Variants in PLCXD3 observed in about 807,000 individuals in gnomAD.
The protein encoded by PLCXD3 is phosphatidylinositol specific phospholipase C X domain containing 3.
In PLCXD3, 19 loss-of-function variants were observed where a neutral mutation model predicts 25.5. That is an observed-to-expected ratio of 0.75 (90% CI 0.52 to 1.09). The LOEUF is 1.09. Among genes scored for constraint, PLCXD3 ranks in the 50% least tolerant of loss-of-function variants. The pLI is 0.00. For synonymous variants in PLCXD3, 174 were observed against 137.6 expected, an observed-to-expected ratio of 1.26 and a Z score of -1.85; for missense variants, 411 against 388.1, an observed-to-expected ratio of 1.06 and a Z score of -0.50.
chr5:41,374,553 A>G (rs1745230029), intron 2 of PLCXD3, among the ~76,000 whole-genome samples: 1 of 152,140 alleles, frequency 6.6e-6, no homozygotes, highest in Non-Finnish European at 1.5e-5. Flanking sequence ...ACAGACATAC[A>G]CAGACACACG....
chr5:41,357,166 G>A (rs957815233), intron 2 of PLCXD3, among the ~76,000 whole-genome samples: 4 of 152,190 alleles, frequency 2.6e-5, no homozygotes, highest in Non-Finnish European at 5.9e-5. Flanking sequence ...GTCTTTCTCA[G>A]AACAGTGCCT....
intron 1 of PLCXD3, among the ~76,000 whole-genome samples, chr5:41,449,201 T>C (rs1376734072): frequency 1.3e-5 from 2 of 152,228 alleles, no homozygotes; most frequent in Non-Finnish European, 1.5e-5. Context: ...CAATCTAATA[T>C]TCTTTCAAAT....
Position 41,417,466 on chromosome 5 carries a change from T to C in PLCXD3, c.104-34932A>G, listed in dbSNP as rs1177303598. 2.0e-5 allele frequency among the ~76,000 whole-genome samples: 3 copies of C among 152,264 alleles called. No homozygotes were observed. The East Asian group carries it at 5.8e-4, about 29-fold the overall frequency. On this transcript the variant is annotated intron_variant, in intron 1 of 2. Transcript: ENST00000377801. ...GGTTAGAGAAGGCTGGGAAAAAGTATTTTCTTGCTGCTTCTTCTACCCAGC... is the reference window on the plus strand; with the variant it reads ...GGTTAGAGAAGGCTGGGAAAAAGTACTTTCTTGCTGCTTCTTCTACCCAGC...
chr5:41,398,604 T>C (rs920682832), intron 1 of PLCXD3, among the ~76,000 whole-genome samples: 1 of 152,166 alleles, frequency 6.6e-6, no homozygotes, highest in Non-Finnish European at 1.5e-5. Flanking sequence ...GTACGTCATA[T>C]CAACAGAATG....
Position 41,493,346 on chromosome 5 carries a change from G to A in PLCXD3, c.103+17078C>T, listed in dbSNP as rs190594207. ...TGAGGTGTCAGTCTGCCCCTACTGG[G>A]GGGTGCCTCCCAGTTAGGCTGCTCA... On this transcript the variant is annotated intron_variant, in intron 1 of 2. Coordinates refer to ENST00000377801, the MANE Select transcript of PLCXD3 (RefSeq NM_001005473.3). Among the ~76,000 whole-genome samples, 1,331 of 152,280 alleles carry A rather than the reference G, an allele frequency of 8.7e-3. 10 individuals are homozygous for A. The highest frequency in any genetic ancestry group is 0.024 in the Admixed American group (360 of 15,294).
chr5:41,483,501 C>T (rs80268662), intron 1 of PLCXD3, among the ~76,000 whole-genome samples: 21 of 152,050 alleles, frequency 1.4e-4, no homozygotes, highest in African/African-American at 4.8e-4. Context: ...GCTATATCTT[C>T]GTAATACATA....
chr5:41,446,451 T>C (rs1346620863), intron 1 of PLCXD3, among the ~76,000 whole-genome samples: 1 of 152,020 alleles, frequency 6.6e-6, no homozygotes, highest in African/African-American at 2.4e-5. Context: ...AACTAGTCAA[T>C]TCCAAAAAAG....
intron 2 of PLCXD3, among the ~76,000 whole-genome samples, chr5:41,330,273 G>T (rs145270705): frequency 2.0e-5 from 3 of 152,024 alleles, no homozygotes; most frequent in African/African-American, 7.2e-5. Context: ...TATCAACACC[G>T]ATCCCACAGA....
At chr5:41,355,453 A>G (rs979560795) in intron 2 of PLCXD3, among the ~76,000 whole-genome samples, 1 of 152,210 alleles carries the variant, frequency 6.6e-6, no homozygotes, top group Non-Finnish European at 1.5e-5. Context: ...CCATAATATC[A>G]TAATCCAACC....
At chr5:41,326,227 C>T (rs1430273251) in intron 2 of PLCXD3, among the ~76,000 whole-genome samples, 2 of 152,124 alleles carry the variant, frequency 1.3e-5, no homozygotes, top group Non-Finnish European at 2.9e-5. Flanking sequence ...AGTGGTGCTA[C>T]CTGTAACTTC....
At chr5:41,412,556 A>G (rs1746585539) in intron 1 of PLCXD3, among the ~76,000 whole-genome samples, 3 of 152,198 alleles carry the variant, frequency 2.0e-5, no homozygotes, top group Admixed American at 2.0e-4. Flanking sequence ...GTGGGAAATT[A>G]CAGTGGCAAT....
Position 41,426,589 on chromosome 5 carries a change from AATG to A in PLCXD3, c.104-44058_104-44056del, listed in dbSNP as rs372894953. On this transcript the variant is annotated intron_variant, in intron 1 of 2. Transcript: ENST00000377801. Reference sequence around the variant, plus strand: ...TTTTTACCCTTTTCTTGAAAAACATAATGATATGATTAAAATAATTATCCCTTT... The same window carrying A: ...TTTTTACCCTTTTCTTGAAAAACATAATATGATTAAAATAATTATCCCTTT... 4.1e-3 allele frequency among the ~76,000 whole-genome samples: 620 copies of A among 152,252 alleles called. 5 individuals are homozygous for A. Among genetic ancestry groups the A allele is most frequent in the African/African-American group, 0.014 (599 of 41,566 alleles).
At chr5:41,334,007 C>A (rs187842495) in intron 2 of PLCXD3, among the ~76,000 whole-genome samples, 1 of 152,062 alleles carries the variant, frequency 6.6e-6, no homozygotes, top group African/African-American at 2.4e-5. Flanking sequence ...ATAAAGCAAC[C>A]CTTATTTGCT....
intron 1 of PLCXD3, among the ~76,000 whole-genome samples, chr5:41,499,444 G>A (rs1285727092): frequency 6.6e-6 from 1 of 151,608 alleles, no homozygotes; most frequent in African/African-American, 2.4e-5. Context: ...TAACAAAGGA[G>A]ACAAAAGATT....
At position 41,448,880 on chromosome 5, in the gene PLCXD3, A is replaced by G. The variant is rs116406800; in HGVS notation, c.103+61544T>C. Among the ~76,000 whole-genome samples the G allele has an allele frequency of 6.4e-3, 982 of 152,302 alleles. 11 individuals are homozygous for G. The highest frequency in any genetic ancestry group is 0.021 in the African/African-American group (865 of 41,576). On this transcript the variant is annotated intron_variant, in intron 1 of 2. Coordinates refer to ENST00000377801, the MANE Select transcript of PLCXD3 (RefSeq NM_001005473.3). ...TTATAATCTTCTTAACCTTGGTCCA[A>G]TACATGTACATACACATTTTTAACT... is the stretch of plus-strand genomic sequence containing the variant.
chr5:41,407,042 GT>G (rs1746373457), intron 1 of PLCXD3, among the ~76,000 whole-genome samples: 1 of 152,154 alleles, frequency 6.6e-6, no homozygotes. Flanking sequence ...CTGCCTGCCA[GT>G]ATTTTTTTCA....
chr5:41,501,658 T>C (rs1254478028), intron 1 of PLCXD3, among the ~76,000 whole-genome samples: 1 of 152,098 alleles, frequency 6.6e-6, no homozygotes, highest in Non-Finnish European at 1.5e-5. Context: ...ATTATATACT[T>C]AAAATTTTAA....
At chr5:41,391,784 C>T (rs1745832288) in intron 1 of PLCXD3, among the ~76,000 whole-genome samples, 1 of 152,158 alleles carries the variant, frequency 6.6e-6, no homozygotes, top group South Asian at 2.1e-4. Context: ...TCTTGAACAG[C>T]ATTTATGGAC....
chr5:41,360,687 G>A (rs940348928), intron 2 of PLCXD3, among the ~76,000 whole-genome samples: 2 of 152,166 alleles, frequency 1.3e-5, no homozygotes, highest in East Asian at 1.9e-4. Context: ...GCGAGTGTCT[G>A]CAAAGAGTCT....
Sources: allele counts gnomAD v4.1 joint callset (sites outside exome capture counted in the v4.1 genomes callset), GRCh38; gene constraint gnomAD v4.1.1; transcripts MANE v1.5; gene names NCBI Gene and HGNC (gene_info 2026-07-23, HGNC 2026-07-21).